Variants in RNGTT observed in about 807,000 individuals in gnomAD.
The protein encoded by RNGTT is mRNA-capping enzyme.
A neutral mutation model predicts 79.3 loss-of-function variants in RNGTT; 33 were observed. The ratio of observed to expected loss-of-function variants is 0.42; its 90% CI spans 0.32 to 0.56. The LOEUF is 0.56. Among genes scored for constraint, RNGTT ranks in the 20% least tolerant of loss-of-function variants. RNGTT has a pLI of 0.17. For synonymous variants in RNGTT, 222 were observed against 235.9 expected (o/e 0.94, Z 0.54); for missense variants, 497 against 739.1 (o/e 0.67, Z 3.80).
chr6:88,781,788 C>T (rs1562249777), intron 12 of RNGTT, among the ~76,000 whole-genome samples: 2 of 152,096 alleles, frequency 1.3e-5, no homozygotes, highest in African/African-American at 4.8e-5. Flanking sequence ...TTCTGATTTC[C>T]ATTTCTGATT....
intron 14 of RNGTT, among the ~76,000 whole-genome samples, chr6:88,676,795 T>G (rs1431397906): frequency 1.3e-5 from 2 of 152,184 alleles, no homozygotes; most frequent in East Asian, 1.9e-4. Flanking sequence ...GATATGAACA[T>G]CCATTTCACT....
At chr6:88,955,250 T>C (rs967894688) in intron 1 of RNGTT, among the ~76,000 whole-genome samples, 1 of 151,556 alleles carries the variant, frequency 6.6e-6, no homozygotes, top group African/African-American at 2.4e-5. Context: ...GGAAAGTTCA[T>C]AGCATTAAAT....
At chr6:88,826,797 A>ATATAT (rs1307433183) in intron 11 of RNGTT, among the ~76,000 whole-genome samples, 1 of 119,700 alleles carries the variant, frequency 8.4e-6, no homozygotes. Context: ...AGAAAAAAAA[A>ATATAT]AAATATATAT....
At chr6:88,760,560 C>A (rs534918896) in intron 13 of RNGTT, among the ~76,000 whole-genome samples, 6 of 152,218 alleles carry the variant, frequency 3.9e-5, no homozygotes, top group South Asian at 2.1e-4. Flanking sequence ...TAAAAAAATA[C>A]AACCAGCTAC....
chr6:88,680,599 A>G (rs1352327247), intron 13 of RNGTT, among the ~76,000 whole-genome samples: 1 of 151,874 alleles, frequency 6.6e-6, no homozygotes, highest in Non-Finnish European at 1.5e-5. Flanking sequence ...AAAATTAGCC[A>G]GGCGTGGTGG....
intron 13 of RNGTT, among the ~76,000 whole-genome samples, chr6:88,686,629 C>T (rs1174829066): frequency 6.6e-6 from 1 of 152,020 alleles, no homozygotes; most frequent in Non-Finnish European, 1.5e-5. Context: ...TACGCATAGG[C>T]ACTGAATTTA....
At chr6:88,873,299 A>G (rs1782413128) in intron 8 of RNGTT, among the ~76,000 whole-genome samples, 1 of 152,220 alleles carries the variant, frequency 6.6e-6, no homozygotes, top group South Asian at 2.1e-4. Flanking sequence ...AGATGATTCA[A>G]GGAAGAGAAA....
intron 4 of RNGTT, among the ~76,000 whole-genome samples, chr6:88,919,733 T>TTTTTTTGG (rs58419557): frequency 7.0e-6 from 1 of 142,120 alleles, no homozygotes; most frequent in Non-Finnish European, 1.5e-5. Flanking sequence ...TTTTTTTTTT[T>TTTTTTTGG]GAGACGGAGT....
intron 13 of RNGTT, among the ~76,000 whole-genome samples, chr6:88,751,307 T>A (rs1405285919): frequency 6.6e-6 from 1 of 152,138 alleles, no homozygotes; most frequent in Non-Finnish European, 1.5e-5. Context: ...TAAATGCTCA[T>A]GCAATTTTTA....
chr6:88,689,577 A>G (rs1225773439), intron 13 of RNGTT, among the ~76,000 whole-genome samples: 1 of 148,070 alleles, frequency 6.8e-6, no homozygotes, highest in East Asian at 2.0e-4. Flanking sequence ...CTGGGGCAAC[A>G]GAGTGAGACT....
At chr6:88,831,714 T>C (rs1179741851) in intron 11 of RNGTT, among the ~76,000 whole-genome samples, 7 of 152,304 alleles carry the variant, frequency 4.6e-5, no homozygotes, top group Admixed American at 4.6e-4. Context: ...CCAAATCAAC[T>C]TAAGCTGATA....
chr6:88,945,837 C>T (rs952186258), intron 1 of RNGTT, among the ~76,000 whole-genome samples: 4 of 152,190 alleles, frequency 2.6e-5, no homozygotes, highest in Admixed American at 2.6e-4. Flanking sequence ...AGAGATCACC[C>T]ATGCCTGCTC....
At chr6:88,843,582 A>G (rs1211381262) in intron 11 of RNGTT, among the ~76,000 whole-genome samples, 2 of 117,170 alleles carry the variant, frequency 1.7e-5, no homozygotes, top group African/African-American at 7.0e-5. Flanking sequence ...TTTTTGAGAC[A>G]GAGTCTTGCT....
chr6:88,778,817 G>T (rs545584377), intron 12 of RNGTT, among the ~76,000 whole-genome samples: 1 of 152,230 alleles, frequency 6.6e-6, no homozygotes, highest in South Asian at 2.1e-4. Flanking sequence ...ACTGTGCCAC[G>T]TGTAAGAAAA....
At chr6:88,648,143 TGAA>T (rs1773649575) in intron 14 of RNGTT, among the ~76,000 whole-genome samples, 1 of 152,160 alleles carries the variant, frequency 6.6e-6, no homozygotes, top group Non-Finnish European at 1.5e-5. Flanking sequence ...TCAAATAATG[TGAA>T]GAAGATATAA....
At chr6:88,697,680 T>C (rs936471178) in intron 13 of RNGTT, among the ~76,000 whole-genome samples, 2 of 151,602 alleles carry the variant, frequency 1.3e-5, no homozygotes, top group Non-Finnish European at 2.9e-5. Flanking sequence ...GGCACCATGA[T>C]GAGACACTGT....
At chr6:88,772,688 A>G (rs1397567099) in intron 12 of RNGTT, among the ~76,000 whole-genome samples, 2 of 152,246 alleles carry the variant, frequency 1.3e-5, no homozygotes, top group East Asian at 1.9e-4. Context: ...TCAAAAGAAG[A>G]TATTTATGCA....
At chr6:88,847,139 T>C (rs1047580033) in intron 10 of RNGTT, among the ~76,000 whole-genome samples, 5 of 152,164 alleles carry the variant, frequency 3.3e-5, no homozygotes, top group African/African-American at 9.7e-5. Flanking sequence ...TAATGTAAAA[T>C]GTTATAAAAC....
rs528779878 is a variant in RNGTT, at chr6:88,663,334, T to C, written c.1506+15019A>G. 1.2e-4 allele frequency among the ~76,000 whole-genome samples: 18 copies of C among 152,268 alleles called. No homozygotes were observed. In the South Asian group the frequency reaches 3.3e-3, roughly 28 times the overall value. ...AGACTATCCAGCATTAGAGGTGAGA[T>C]GGCCATCAGAAGGAAGCCTAGACAG... On this transcript the variant is annotated intron_variant, in intron 14 of 15. Transcript: ENST00000369485.
Sources: allele counts gnomAD v4.1 joint callset (sites outside exome capture counted in the v4.1 genomes callset), GRCh38; gene constraint gnomAD v4.1.1; transcripts MANE v1.5; gene names NCBI Gene and HGNC (gene_info 2026-07-23, HGNC 2026-07-21).